SH3BP5L: variants seen among roughly 807,000 people sequenced by gnomAD.
SH3BP5L encodes the protein SH3 domain-binding protein 5-like.
A neutral mutation model predicts 40.9 loss-of-function variants in SH3BP5L; 16 were observed. The observed-to-expected ratio is 0.39, with a 90% CI of 0.27 to 0.59. SH3BP5L has a LOEUF of 0.59. Among genes scored for constraint, SH3BP5L ranks in the 20% least tolerant of loss-of-function variants. The pLI, the probability that SH3BP5L is intolerant of heterozygous loss-of-function variation, is 0.53. For synonymous variants in SH3BP5L, 229 were observed against 226.7 expected (o/e 1.01, Z -0.09); for missense variants, 471 against 544.6 (o/e 0.86, Z 1.35).
Position 248,811,671 on chromosome 1 carries a change from A to AG in SH3BP5L, c.*228dup. 1 of 460,246 alleles carries AG rather than the reference A, an allele frequency of 2.2e-6. No individual in the cohort carries two copies. The highest frequency in any genetic ancestry group is 4.0e-5 in the Admixed American group (1 of 24,862). The allele number at this position is 460,246 out of a possible 1,614,324, so 28.5% of individuals were successfully genotyped here. On this transcript the variant is annotated 3_prime_UTR_variant, in exon 7 of 7. Coordinates refer to ENST00000366472, the MANE Select transcript of SH3BP5L (RefSeq NM_030645.3). ...AGAGGCAGACAGAGCGCCGAGGGCG[A>AG]GCCTTCTGAATGGGTAAGGCAAAGA...
rs773339708 is a variant in SH3BP5L, at chr1:248,816,855, G to T, written c.213C>A (p.Ser71Arg). 1 of 1,614,168 alleles carries T rather than the reference G, an allele frequency of 6.2e-7. No homozygotes were observed. Among genetic ancestry groups the T allele is most frequent in the Non-Finnish European group, 8.5e-7 (1 of 1,180,026 alleles). ...GTAGTTCCACCTGGTTGATCTCCTCGCTGGCCTGGTTCAGGTGCTCCAACT... is the reference window on the plus strand; with the variant it reads ...GTAGTTCCACCTGGTTGATCTCCTCTCTGGCCTGGTTCAGGTGCTCCAACT... The part of the protein sequence containing the change: ...QEELEHLNQA[S>R]EEINQVELQL... The change falls in exon 3 of 7, where the codon AGC becomes AGA. Residue 71 changes from serine (S) to arginine (R), a missense_variant. Ser to Arg is a moderately radical substitution (Grantham distance 110). Around this residue, in one of 2 missense-constraint regions of SH3BP5L, gnomAD observed 275 missense variants for 370.1 expected, o/e 0.74. Coordinates refer to ENST00000366472, the MANE Select transcript of SH3BP5L (RefSeq NM_030645.3).
rs1664366269 is a variant in SH3BP5L at position 248,825,824 on chromosome 1, C to T, written c.-432+11G>A. ...CCCAGCCATGCGCAAAAGCCCCCCGCACAGCCTTACCTCAGTTTACCTTCC... is the reference window on the plus strand; with the variant it reads ...CCCAGCCATGCGCAAAAGCCCCCCGTACAGCCTTACCTCAGTTTACCTTCC... On this transcript the variant is annotated intron_variant, in intron 1 of 6. Transcript: ENST00000366472. 1.0e-6 allele frequency: 1 copy of T among 965,996 alleles called. No individual in the cohort carries two copies. The highest frequency in any genetic ancestry group is 1.8e-5 in the African/African-American group (1 of 56,702). The allele number at this position is 965,996 out of a possible 1,614,324, so 59.8% of individuals were successfully genotyped here.
chr1:248,814,358 A>G (rs2103013331), intron 5 of SH3BP5L, 91 bp downstream of exon 5: 4 of 1,382,754 alleles, frequency 2.9e-6, no homozygotes, highest in Non-Finnish European at 4.0e-6. Flanking sequence ...AGGCTAGAAT[A>G]GAGGGAAGAA....
At chr1:248,818,014 G>A (rs1169256341) in intron 2 of SH3BP5L, among the ~76,000 whole-genome samples, 1 of 152,064 alleles carries the variant, frequency 6.6e-6, no homozygotes, top group Non-Finnish European at 1.5e-5. Flanking sequence ...TCAGAGCCTG[G>A]TGCCAATGTA....
intron 1 of SH3BP5L, 24 bp from the exon 2 acceptor site, chr1:248,825,390 A>T (rs1281368385): frequency 1.0e-6 from 1 of 993,182 alleles, no homozygotes; most frequent in Non-Finnish European, 1.2e-6. Context: ...AAGGCCAAGT[A>T]TATGGTCATG....
Position 248,816,816 on chromosome 1 carries a change from ACT to A in SH3BP5L, c.246+4_246+5del. On this transcript the variant is annotated splice_donor_5th_base_variant and intron_variant, in intron 3 of 6. Coordinates refer to ENST00000366472, the MANE Select transcript of SH3BP5L (RefSeq NM_030645.3). Reference sequence around the variant, plus strand: ...AGCCCAAGCACATAAGGAAAAGGACACTCACATCCAGCTGTAGTTCCACCTGG... The same window carrying A: ...AGCCCAAGCACATAAGGAAAAGGACACACATCCAGCTGTAGTTCCACCTGG... 6.2e-7 allele frequency: 1 copy of A among 1,613,992 alleles called. No individual in the cohort carries two copies. Among genetic ancestry groups the A allele is most frequent in the South Asian group, 1.1e-5 (1 of 91,078 alleles).
At chr1:248,817,195 C>A in intron 2 of SH3BP5L, 1 of 549,924 alleles carries the variant, frequency 1.8e-6, no homozygotes, top group South Asian at 1.7e-5. Flanking sequence ...TTGTGGTGAG[C>A]CCTCACTCTC....
Position 248,812,229 on chromosome 1 carries a change from C to T in SH3BP5L, c.853G>A (p.Gly285Ser), listed in dbSNP as rs1232886304. 1.2e-6 allele frequency: 2 copies of T among 1,609,104 alleles called. No individual in the cohort carries two copies. Among genetic ancestry groups the T allele is most frequent in the Non-Finnish European group, 8.5e-7 (1 of 1,178,736 alleles). Residue 285 changes from glycine to serine, a missense_variant, in exon 7 of 7, where the codon GGC (glycine) becomes AGC (serine). By Grantham distance (56) the Gly-to-Ser change is moderately conservative. Transcript: ENST00000366472. The surrounding 1 kb of genome is among the most constrained non-coding windows in gnomAD (Gnocchi z 6.1). The part of the protein sequence containing the change: ...RRGGLPPHPL[G>S]PRRSSPVGAE... ...CCCACGGGGGAGGAGCGCCGAGGGCCCAGGGGGTGGGGAGGCAGACCCCCG... is the reference window on the plus strand; with the variant it reads ...CCCACGGGGGAGGAGCGCCGAGGGCTCAGGGGGTGGGGAGGCAGACCCCCG...
chr1:248,812,883 C>T lies in SH3BP5L; in HGVS notation c.711+106G>A. 9.1e-7 allele frequency: 1 copy of T among 1,096,410 alleles called. No individual in the cohort carries two copies. The highest frequency in any genetic ancestry group is 1.3e-6 in the Non-Finnish European group (1 of 766,156). 67.9% of individuals were successfully genotyped at this position (1,096,410 alleles called of 1,614,324 possible). ...CCCTTCCCCACCGCTAGCCGGAGGC[C>T]TCACCCTGGCCACCTCACCAAGATG... On this transcript the variant is annotated intron_variant, in intron 6 of 6. Coordinates refer to ENST00000366472, the MANE Select transcript of SH3BP5L (RefSeq NM_030645.3). The surrounding 1 kb of genome is among the most constrained non-coding windows in gnomAD (Gnocchi z 6.1).
intron 4 of SH3BP5L, chr1:248,815,979 G>A (rs1468349748): frequency 6.4e-6 from 1 of 156,480 alleles, no homozygotes; most frequent in Non-Finnish European, 1.4e-5. Context: ...TCACCATACA[G>A]GATGACAACA....
At chr1:248,819,125 CT>C (rs1398128225) in intron 2 of SH3BP5L, among the ~76,000 whole-genome samples, 2 of 152,142 alleles carry the variant, frequency 1.3e-5, no homozygotes, top group Non-Finnish European at 2.9e-5. Context: ...CTGAAAAGAT[CT>C]GGGTCAGCAG....
At position 248,811,673 on chromosome 1, in the gene SH3BP5L, C is replaced by T. The variant is rs891972466; in HGVS notation, c.*227G>A. ...AGGCAGACAGAGCGCCGAGGGCGAG[C>T]CTTCTGAATGGGTAAGGCAAAGAGA... On this transcript the variant is annotated 3_prime_UTR_variant, in exon 7 of 7. Coordinates refer to ENST00000366472, the MANE Select transcript of SH3BP5L (RefSeq NM_030645.3). 6.5e-6 allele frequency: 3 copies of T among 458,060 alleles called. No homozygotes were observed. Among genetic ancestry groups the T allele is most frequent in the Non-Finnish European group, 7.7e-6 (2 of 259,446 alleles). 28.4% of individuals were successfully genotyped at this position (458,060 alleles called of 1,614,324 possible).
chr1:248,823,859 A>C (rs1664310397), intron 2 of SH3BP5L, among the ~76,000 whole-genome samples: 1 of 152,272 alleles, frequency 6.6e-6, no homozygotes, highest in Non-Finnish European at 1.5e-5. Context: ...AACAAATGGC[A>C]GACTCAAGCC....
Position 248,812,222 on chromosome 1 carries a change from C to A in SH3BP5L, c.860G>T (p.Arg287Leu). Residue 287 changes from arginine to leucine, a missense_variant, in exon 7 of 7, where the codon CGG (arginine) becomes CTG (leucine). This residue lies in a region of SH3BP5L where 196 missense variants were observed against 174.6 expected (regional missense o/e 1.12). Coordinates refer to ENST00000366472, the MANE Select transcript of SH3BP5L (RefSeq NM_030645.3). This position sits in a 1 kb window ranked among gnomAD's most constrained non-coding sequence, Gnocchi z 6.1. ...CTCGGCCCCCACGGGGGAGGAGCGCCGAGGGCCCAGGGGGTGGGGAGGCAG... is the reference window on the plus strand; with the variant it reads ...CTCGGCCCCCACGGGGGAGGAGCGCAGAGGGCCCAGGGGGTGGGGAGGCAG... ...GGLPPHPLGP[R>L]RSSPVGAEAG... 1 of 1,607,304 alleles carries A rather than the reference C, an allele frequency of 6.2e-7. No individual in the cohort carries two copies. The highest frequency in any genetic ancestry group is 8.5e-7 in the Non-Finnish European group (1 of 1,177,892).
chr1:248,812,262 G>A lies in SH3BP5L; in HGVS notation c.820C>T (p.Arg274Trp), dbSNP rs754071227. ...LEQISEQIHA[R>W]RRGGLPPHPL... ...TGGGGAGGCAGACCCCCGCGGCGCC[G>A]TGCGTGAATCTGCTCGCTGATCTGC... Residue 274 changes from arginine (R) to tryptophan (W), a missense_variant, in exon 7 of 7, where the codon CGG becomes TGG. This residue lies in a region of SH3BP5L where 275 missense variants were observed against 370.1 expected (regional missense o/e 0.74). Coordinates refer to ENST00000366472, the MANE Select transcript of SH3BP5L (RefSeq NM_030645.3). This position sits in a 1 kb window ranked among gnomAD's most constrained non-coding sequence, Gnocchi z 6.1. 7 of 1,611,982 alleles carry A rather than the reference G, an allele frequency of 4.3e-6. No individual in the cohort carries two copies. The highest frequency in any genetic ancestry group is 2.5e-6 in the Non-Finnish European group (3 of 1,179,880).
intron 4 of SH3BP5L, 54 bp downstream of exon 4, chr1:248,816,480 T>G: frequency 1.9e-6 from 3 of 1,610,372 alleles, no homozygotes; most frequent in Non-Finnish European, 2.5e-6. Context: ...GACAGAAGAA[T>G]CCAGGGCCAG....
At chr1:248,819,952 G>T (rs1253768529) in intron 2 of SH3BP5L, among the ~76,000 whole-genome samples, 1 of 152,028 alleles carries the variant, frequency 6.6e-6, no homozygotes, top group African/African-American at 2.4e-5. Flanking sequence ...TAAAAAAAGA[G>T]TGAAATTATA....
At chr1:248,823,617 T>C (rs913199374) in intron 2 of SH3BP5L, among the ~76,000 whole-genome samples, 47 of 152,224 alleles carry the variant, frequency 3.1e-4, no homozygotes, top group African/African-American at 1.1e-3. Flanking sequence ...ACTGCTCCAT[T>C]ATAAGCATGG....
chr1:248,815,653 C>T (rs1428432054), intron 4 of SH3BP5L, among the ~76,000 whole-genome samples: 1 of 152,188 alleles, frequency 6.6e-6, no homozygotes. Flanking sequence ...ACCTACTTCT[C>T]CCCGACCAAG....
Sources: gnomAD v4.1 joint callset for allele counts (sites outside exome capture counted in the v4.1 genomes callset) on GRCh38, gnomAD v4.1.1 for gene constraint, gnomAD v4.1.1 regional missense constraint, Gnocchi (gnomAD v3.1) non-coding constraint, MANE v1.5 for transcripts, NCBI Gene and HGNC (gene_info 2026-07-23, HGNC 2026-07-21) for gene names.